BCAS4: variants seen among roughly 807,000 people sequenced by gnomAD.
BCAS4 encodes breast carcinoma amplified sequence 4, also known as breast carcinoma-amplified sequence 4.
Under a neutral mutation model 15.7 loss-of-function variants are expected in BCAS4, and 9 were observed. The observed-to-expected ratio is 0.57, with a 90% CI of 0.34 to 1.00. The LOEUF (loss-of-function observed/expected upper bound fraction) is 1.00, where lower values mean the gene tolerates loss of function less well. Among genes scored for constraint, BCAS4 ranks in the 50% least tolerant of loss-of-function variants. The pLI is 0.02. For synonymous variants in BCAS4, 101 were observed against 99.5 expected (o/e 1.02, Z -0.09); for missense variants, 225 against 239.1 (o/e 0.94, Z 0.39).
chr20:50,846,087 G>A (rs2088540182), intron 4 of BCAS4, among the ~76,000 whole-genome samples: 1 of 152,242 alleles, frequency 6.6e-6, no homozygotes, highest in Non-Finnish European at 1.5e-5. Context: ...GAGCCAGCCT[G>A]TGCCCCAGGC....
At chr20:50,798,898 A>T (rs1319603219) in intron 1 of BCAS4, among the ~76,000 whole-genome samples, 4 of 152,226 alleles carry the variant, frequency 2.6e-5, no homozygotes, top group African/African-American at 9.6e-5. Flanking sequence ...TTTATAGGTC[A>T]GCAAACAGAG....
intron 1 of BCAS4, among the ~76,000 whole-genome samples, chr20:50,796,635 C>T (rs11697747): frequency 0.19 from 27,180 of 146,442 alleles, 3,196 homozygotes; most frequent in African/African-American, 0.34. Flanking sequence ...GCTGGGACTA[C>T]AGGCGTGTGC....
intron 4 of BCAS4, among the ~76,000 whole-genome samples, chr20:50,870,009 G>T (rs57183386): frequency 2.0e-5 from 3 of 151,854 alleles, no homozygotes; most frequent in Non-Finnish European, 4.4e-5. Context: ...TCAGCTTCCC[G>T]AAGTGCTGGG....
At chr20:50,828,711 G>A (rs1475824409) in intron 2 of BCAS4, among the ~76,000 whole-genome samples, 1 of 152,074 alleles carries the variant, frequency 6.6e-6, no homozygotes, top group Non-Finnish European at 1.5e-5. Context: ...CCTGGGAGGC[G>A]GAGGTTACAG....
At chr20:50,837,994 G>GCA (rs1420981258) in intron 3 of BCAS4, among the ~76,000 whole-genome samples, 3 of 129,052 alleles carry the variant, frequency 2.3e-5, no homozygotes, top group Admixed American at 7.5e-5. Flanking sequence ...GCACACATCT[G>GCA]CACATACACA....
chr20:50,831,658 G>C (rs150321365), intron 3 of BCAS4, among the ~76,000 whole-genome samples: 4 of 152,194 alleles, frequency 2.6e-5, no homozygotes, highest in Admixed American at 2.0e-4. Flanking sequence ...CACTTCTCTG[G>C]GGTCACACTA....
At chr20:50,881,004 G>A (rs1980107642), downstream of BCAS4, 1 of 152,152 alleles carries the variant, frequency 6.6e-6, no homozygotes, top group South Asian at 2.1e-4. Flanking sequence ...AGGCCAAGGT[G>A]GGTGGATCGC....
intron 4 of BCAS4, among the ~76,000 whole-genome samples, chr20:50,853,535 A>G (rs1366723247): frequency 6.6e-6 from 1 of 151,958 alleles, no homozygotes; most frequent in Non-Finnish European, 1.5e-5. Flanking sequence ...TGCAAACCCC[A>G]TTCGCCCTTA....
At chr20:50,856,903 T>C (rs1198846755) in intron 4 of BCAS4, among the ~76,000 whole-genome samples, 12 of 152,230 alleles carry the variant, frequency 7.9e-5, no homozygotes, top group Admixed American at 7.8e-4. Context: ...CTTGTAATTT[T>C]CAAGCCTCCT....
At position 50,802,803 on chromosome 20, in the gene BCAS4, G is replaced by A. The variant is rs538461990; in HGVS notation, c.90+7630G>A. Among the ~76,000 whole-genome samples, 7 of 152,132 alleles carry A rather than the reference G, an allele frequency of 4.6e-5. No homozygotes were observed. The South Asian group carries it at 1.5e-3, about 32-fold the overall frequency. On this transcript the variant is annotated intron_variant, in intron 1 of 4. Transcript: ENST00000371608. ...GCAGGAGAATCATTTGAACCCGGGAGGCAGAGTTTGTGGTGAGCCGAGATT... is the reference window on the plus strand; with the variant it reads ...GCAGGAGAATCATTTGAACCCGGGAAGCAGAGTTTGTGGTGAGCCGAGATT...
intron 3 of BCAS4, among the ~76,000 whole-genome samples, chr20:50,839,890 A>G (rs2088455730): frequency 6.6e-6 from 1 of 152,390 alleles, no homozygotes. Flanking sequence ...CAAAAGGCAC[A>G]CAAGTAACTG....
chr20:50,855,868 C>T (rs1978732198), intron 4 of BCAS4, among the ~76,000 whole-genome samples: 1 of 152,234 alleles, frequency 6.6e-6, no homozygotes, highest in Non-Finnish European at 1.5e-5. Flanking sequence ...TAGGGTCTCT[C>T]TGGAGAATAA....
At chr20:50,847,166 A>G (rs2088556023) in intron 4 of BCAS4, among the ~76,000 whole-genome samples, 1 of 150,532 alleles carries the variant, frequency 6.6e-6, no homozygotes, top group Non-Finnish European at 1.5e-5. Context: ...AGCTCACTGC[A>G]ACCTCCGCTT....
At chr20:50,818,319 G>C (rs1291957623) in intron 2 of BCAS4, 37 bp downstream of exon 2, 32 of 1,594,140 alleles carry the variant, frequency 2.0e-5, no homozygotes, top group Non-Finnish European at 2.1e-5. Context: ...TTTAGGCCCA[G>C]GCCAGACTTC....
intron 1 of BCAS4, among the ~76,000 whole-genome samples, chr20:50,804,625 T>C (rs141913662): frequency 5.8e-4 from 88 of 152,324 alleles, no homozygotes; most frequent in Middle Eastern, 3.4e-3. Flanking sequence ...TTAGACAAGA[T>C]TGAGTGCGTT....
chr20:50,835,858 G>T (rs945943428), intron 3 of BCAS4, among the ~76,000 whole-genome samples: 1 of 152,112 alleles, frequency 6.6e-6, no homozygotes, highest in Non-Finnish European at 1.5e-5. Context: ...GGAGTCCTAA[G>T]TGAGGTCCCA....
intron 4 of BCAS4, among the ~76,000 whole-genome samples, chr20:50,870,664 CCGG>C (rs1316472168): frequency 6.6e-6 from 1 of 152,234 alleles, no homozygotes; most frequent in Non-Finnish European, 1.5e-5. Context: ...CCAAGAGAAA[CCGG>C]CAGTCTGCTT....
At chr20:50,859,098 G>A (rs1350403773) in intron 4 of BCAS4, among the ~76,000 whole-genome samples, 1 of 151,816 alleles carries the variant, frequency 6.6e-6, no homozygotes, top group African/African-American at 2.4e-5. Flanking sequence ...ACCATGCCCG[G>A]CTAATTTATT....
intron 4 of BCAS4, among the ~76,000 whole-genome samples, chr20:50,845,913 T>C (rs573545347): frequency 6.6e-6 from 1 of 152,346 alleles, no homozygotes; most frequent in African/African-American, 2.4e-5. Flanking sequence ...GGTGACTTGG[T>C]GCTGGTGTGG....
Sources: gnomAD v4.1 joint callset for allele counts (sites outside exome capture counted in the v4.1 genomes callset) on GRCh38, gnomAD v4.1.1 for gene constraint, MANE v1.5 for transcripts, NCBI Gene and HGNC (gene_info 2026-07-23, HGNC 2026-07-21) for gene names.